The following METTL15 variants were observed in gnomAD, a reference collection of about 807,000 sequenced individuals.
METTL15 encodes methyltransferase 15, mitochondrial 12S rRNA N4-cytidine.
A neutral mutation model predicts 38.3 loss-of-function variants in METTL15; 34 were observed. The observed-to-expected ratio is 0.89, with a 90% CI of 0.68 to 1.18. The LOEUF is 1.18. Ranked by LOEUF, METTL15 falls within the 50% of genes most tolerant of loss-of-function variation. The pLI, the probability that METTL15 is intolerant of heterozygous loss-of-function variation, is 0.00. For synonymous variants in METTL15, 162 were observed against 170.9 expected (o/e 0.95, Z 0.41); for missense variants, 438 against 498.4 (o/e 0.88, Z 1.15).
chr11:28,297,792 A>T (rs1856791951), intron 6 of METTL15, among the ~76,000 whole-genome samples: 1 of 152,068 alleles, frequency 6.6e-6, no homozygotes, highest in African/African-American at 2.4e-5. Flanking sequence ...AGTGGTTCCT[A>T]TTAAATTACT....
chr11:28,241,780 A>C (rs1360321043), intron 4 of METTL15, among the ~76,000 whole-genome samples: 1 of 152,172 alleles, frequency 6.6e-6, no homozygotes, highest in East Asian at 1.9e-4. Context: ...GCCTGGTTTC[A>C]AGGAAAAGCA....
intron 4 of METTL15, among the ~76,000 whole-genome samples, chr11:28,276,567 T>G (rs1366228654): frequency 6.6e-6 from 1 of 152,186 alleles, no homozygotes; most frequent in Non-Finnish European, 1.5e-5. Context: ...AATGTCATTC[T>G]GCACAAATTA....
intron 5 of METTL15, among the ~76,000 whole-genome samples, chr11:28,389,739 A>G (rs950347807): frequency 2.0e-5 from 3 of 151,676 alleles, no homozygotes; most frequent in African/African-American, 4.8e-5. Flanking sequence ...TCCTTTGGGT[A>G]TATACCCAGT....
intron 3 of METTL15, among the ~76,000 whole-genome samples, chr11:28,347,688 C>T (rs1440108380): frequency 2.6e-5 from 4 of 152,150 alleles, no homozygotes; most frequent in Non-Finnish European, 5.9e-5. Flanking sequence ...CTGCAGCTAC[C>T]GTCTTTCTGT....
chr11:28,354,783 T>C (rs1480363890), intron 4 of METTL15, among the ~76,000 whole-genome samples: 3 of 152,148 alleles, frequency 2.0e-5, no homozygotes, highest in Non-Finnish European at 2.9e-5. Flanking sequence ...AAAACTTATT[T>C]TTAAATCAGT....
chr11:28,458,981 T>C (rs1225625136), intron 6 of METTL15, among the ~76,000 whole-genome samples: 2 of 152,180 alleles, frequency 1.3e-5, no homozygotes, highest in African/African-American at 4.8e-5. Flanking sequence ...ATATACCTCC[T>C]CCCAATGATC....
chr11:28,480,941 G>A (rs910327404), intron 6 of METTL15, among the ~76,000 whole-genome samples: 1 of 152,096 alleles, frequency 6.6e-6, no homozygotes, highest in Non-Finnish European at 1.5e-5. Flanking sequence ...GGACAAAAAA[G>A]GAGTCATAGC....
chr11:28,519,663 A>G (rs1360220746), intron 6 of METTL15, among the ~76,000 whole-genome samples: 2 of 152,194 alleles, frequency 1.3e-5, no homozygotes, highest in Non-Finnish European at 2.9e-5. Context: ...GTGATGGTCA[A>G]GTGCACAGGG....
At chr11:28,237,288 G>T (rs541262357) in intron 4 of METTL15, among the ~76,000 whole-genome samples, 2 of 152,204 alleles carry the variant, frequency 1.3e-5, no homozygotes, top group Non-Finnish European at 2.9e-5. Flanking sequence ...TTTCTTGGAG[G>T]CTTTGTTTGT....
At chr11:28,212,337 A>G (rs998403251) in intron 4 of METTL15, among the ~76,000 whole-genome samples, 1 of 152,136 alleles carries the variant, frequency 6.6e-6, no homozygotes, top group African/African-American at 2.4e-5. Context: ...ACATGGTACT[A>G]ATTTTTAATA....
intron 3 of METTL15, among the ~76,000 whole-genome samples, chr11:28,134,365 G>T (rs1430392626): frequency 1.3e-5 from 2 of 152,086 alleles, no homozygotes; most frequent in Non-Finnish European, 1.5e-5. Flanking sequence ...CAAATTCCTG[G>T]TAGCTCCACC....
At chr11:28,326,455 A>G (rs76273049) in intron 6 of METTL15, among the ~76,000 whole-genome samples, 84 of 152,272 alleles carry the variant, frequency 5.5e-4, no homozygotes, top group African/African-American at 1.9e-3. Flanking sequence ...TTTAAGCTTA[A>G]TAATTCATAG....
intron 4 of METTL15, among the ~76,000 whole-genome samples, chr11:28,352,970 T>C (rs994506454): frequency 6.6e-5 from 10 of 152,174 alleles, no homozygotes; most frequent in African/African-American, 2.4e-4. Flanking sequence ...TGGTCAGATA[T>C]GAGTCTAGAA....
At chr11:28,224,610 C>A (rs1777884859) in intron 4 of METTL15, among the ~76,000 whole-genome samples, 1 of 151,624 alleles carries the variant, frequency 6.6e-6, no homozygotes, top group Non-Finnish European at 1.5e-5. Context: ...TCAGCACATT[C>A]CTCTTTCATT....
intron 4 of METTL15, among the ~76,000 whole-genome samples, chr11:28,281,806 A>G (rs1479353301): frequency 6.6e-6 from 1 of 152,124 alleles, no homozygotes; most frequent in South Asian, 2.1e-4. Context: ...CCTGAGATGA[A>G]TATGTCTGCA....
chr11:28,330,408 C>T lies in METTL15; in HGVS notation c.791C>T (p.Pro264Leu), dbSNP rs1849775945. The change falls in exon 7 of 7, where the codon CCC becomes CTC. Residue 264 changes from proline to leucine, a missense_variant. Transcript: ENST00000407364. Reference protein sequence around the residue: ...LASIVAGAFPPSAIYTRKDLL... With the variant: ...LASIVAGAFPLSAIYTRKDLL... ...ACATTTGTTTTAGGAGCATTTCCTCCCTCTGCTATTTATACACGGAAAGAC... is the reference window on the plus strand; with the variant it reads ...ACATTTGTTTTAGGAGCATTTCCTCTCTCTGCTATTTATACACGGAAAGAC... 2 of 1,541,040 alleles carry T rather than the reference C, an allele frequency of 1.3e-6. No homozygotes were observed. Among genetic ancestry groups the T allele is most frequent in the African/African-American group, 2.8e-5 (2 of 72,450 alleles).
intron 5 of METTL15, among the ~76,000 whole-genome samples, chr11:28,369,590 A>T (rs1850222862): frequency 6.6e-6 from 1 of 152,164 alleles, no homozygotes; most frequent in Non-Finnish European, 1.5e-5. Flanking sequence ...TCCATAAATT[A>T]TTAGTAGATT....
intron 3 of METTL15, 113 bp downstream of exon 3, chr11:28,113,717 C>A: frequency 2.6e-6 from 3 of 1,146,692 alleles, no homozygotes; most frequent in Non-Finnish European, 2.4e-6. Flanking sequence ...CAGATGAATC[C>A]CAACTTTTGA....
chr11:28,375,593 TTTG>T (rs1169631662), intron 5 of METTL15, among the ~76,000 whole-genome samples: 5 of 152,134 alleles, frequency 3.3e-5, no homozygotes, highest in Non-Finnish European at 7.3e-5. Context: ...GTCTATCAAT[TTTG>T]TTGATCCTTT....
Sources: gnomAD v4.1 joint callset for allele counts (sites outside exome capture counted in the v4.1 genomes callset) on GRCh38, gnomAD v4.1.1 for gene constraint, MANE v1.5 for transcripts, NCBI Gene and HGNC (gene_info 2026-07-23, HGNC 2026-07-21) for gene names.